The following WNT7B variants were observed in gnomAD, a reference collection of about 807,000 sequenced individuals.
WNT7B encodes Wnt family member 7B.
WNT7B carries 19 observed loss-of-function variants against 38.2 expected under a neutral mutation model. The ratio of observed to expected loss-of-function variants is 0.50; its 90% CI spans 0.35 to 0.73. The LOEUF (loss-of-function observed/expected upper bound fraction) is 0.73, where lower values mean the gene tolerates loss of function less well. WNT7B is among the 30% of genes least tolerant of loss of function. The pLI, the probability that WNT7B is intolerant of heterozygous loss-of-function variation, is 0.01. For synonymous variants in WNT7B, 243 were observed against 209.3 expected (o/e 1.16, Z -1.39); for missense variants, 423 against 507.9 (o/e 0.83, Z 1.61).
rs886794132 is a variant in WNT7B at position 45,957,982 on chromosome 22, G to A, written c.72-7836C>T. Among the ~76,000 whole-genome samples the A allele has an allele frequency of 3.9e-5, 6 of 152,342 alleles. No individual in the cohort carries two copies. In the South Asian group the frequency reaches 6.2e-4, roughly 16 times the overall value. ...CCCTGAATGCGGGCAACAGCCCACC[G>A]CAGCAGCTCCCACGCAGCGAGAAGG... On this transcript the variant is annotated intron_variant, in intron 1 of 3. Transcript: ENST00000339464.
chr22:45,953,089 G>C (rs80013542), intron 1 of WNT7B, among the ~76,000 whole-genome samples: 11,166 of 151,400 alleles, frequency 0.074, 1,008 homozygotes, highest in African/African-American at 0.22. Context: ...CTGGTTTTGC[G>C]GGTGTAGAGC....
intron 1 of WNT7B, among the ~76,000 whole-genome samples, chr22:45,960,901 T>C (rs952968017): frequency 2.0e-5 from 3 of 152,138 alleles, no homozygotes; most frequent in Non-Finnish European, 4.4e-5. Flanking sequence ...TCCTTGGGGC[T>C]GAGTATGGGG....
At chr22:45,939,607 A>G (rs962505122) in intron 2 of WNT7B, among the ~76,000 whole-genome samples, 5 of 150,054 alleles carry the variant, frequency 3.3e-5, no homozygotes, top group African/African-American at 1.2e-4. Context: ...CAGCCTGGGC[A>G]ACATGGCAAA....
intron 1 of WNT7B, among the ~76,000 whole-genome samples, chr22:45,955,827 G>T (rs1207259169): frequency 2.0e-5 from 3 of 152,180 alleles, no homozygotes; most frequent in Non-Finnish European, 4.4e-5. Flanking sequence ...TCATTCCCCA[G>T]GGACTGTGGA....
At chr22:45,948,620 CT>C (rs547884461) in intron 2 of WNT7B, among the ~76,000 whole-genome samples, 1 of 152,308 alleles carries the variant, frequency 6.6e-6, no homozygotes, top group South Asian at 2.1e-4. Flanking sequence ...TTGCCACAGC[CT>C]GGAGGGCAGG....
At chr22:45,945,385 C>A (rs1311377762) in intron 2 of WNT7B, among the ~76,000 whole-genome samples, 1 of 152,204 alleles carries the variant, frequency 6.6e-6, no homozygotes, top group Non-Finnish European at 1.5e-5. Flanking sequence ...GGCTGGTGAA[C>A]TTAATTTTGA....
At chr22:45,929,016 A>G (rs933810976) in intron 3 of WNT7B, among the ~76,000 whole-genome samples, 1 of 152,032 alleles carries the variant, frequency 6.6e-6, no homozygotes, top group Non-Finnish European at 1.5e-5. Context: ...TCTGCTGCTC[A>G]CTCTGAGCCT....
At chr22:45,925,542 C>CAG in intron 3 of WNT7B, 1 of 985,284 alleles carries the variant, frequency 1.0e-6, no homozygotes, top group Non-Finnish European at 1.2e-6. Context: ...GGGCGACCCC[C>CAG]AGAGAGTATA....
At position 45,927,543 on chromosome 22, in the gene WNT7B, G is replaced by C. The variant is rs778883887; in HGVS notation, c.570+3555C>G. The stretch of plus-strand genomic sequence containing the variant: ...CAGATGTGGTCAAGGAAACAACGGA[G>C]AGGAGGTCACCCTGGGTTGTCCAAG... On this transcript the variant is annotated intron_variant, in intron 3 of 3. Coordinates refer to ENST00000339464, the MANE Select transcript of WNT7B (RefSeq NM_058238.3). The C allele has an allele frequency of 2.3e-5, 34 of 1,480,746 alleles. No individual in the cohort carries two copies. In the South Asian group the frequency reaches 4.0e-4, roughly 17 times the overall value. The allele number at this position is 1,480,746 out of a possible 1,614,324, so 91.7% of individuals were successfully genotyped here. A position where few individuals can be genotyped will look rare whatever the true frequency, so the allele number is the denominator to read the frequency against.
chr22:45,950,517 T>C (rs1931906834), intron 1 of WNT7B, among the ~76,000 whole-genome samples: 1 of 152,218 alleles, frequency 6.6e-6, no homozygotes, highest in African/African-American at 2.4e-5. Context: ...CTCGGGACTG[T>C]CTGCGCTGTC....
intron 1 of WNT7B, among the ~76,000 whole-genome samples, chr22:45,961,579 C>T (rs1932197537): frequency 6.8e-6 from 1 of 146,532 alleles, no homozygotes; most frequent in Non-Finnish European, 1.5e-5. Context: ...TGGGTGGGGG[C>T]CGGGGCAGTG....
chr22:45,923,726 C>T (rs1569108310), intron 3 of WNT7B, among the ~76,000 whole-genome samples: 3 of 152,270 alleles, frequency 2.0e-5, no homozygotes, highest in East Asian at 3.9e-4. Context: ...GGGGTAGGCC[C>T]AGCAACAGTA....
chr22:45,972,061 G>T, intron 1 of WNT7B: 2 of 505,150 alleles, frequency 4.0e-6, no homozygotes, highest in East Asian at 3.7e-5. Context: ...CCGCCCAGGG[G>T]CCTCGCTGCC....
rs1932528449 is a variant in WNT7B, at chr22:45,975,358, C to A, written c.71+1326G>T. Among the ~76,000 whole-genome samples the A allele has an allele frequency of 2.0e-5, 3 of 152,124 alleles. No individual in the cohort carries two copies. Among genetic ancestry groups the A allele is most frequent in the Non-Finnish European group, 4.4e-5 (3 of 68,012 alleles). Reference sequence around the variant, plus strand: ...CGCCCAGCAGGCTCAATGCCCCGCACCCCTCACCTCCATAAACAAACACCC... The same window carrying A: ...CGCCCAGCAGGCTCAATGCCCCGCAACCCTCACCTCCATAAACAAACACCC... On this transcript the variant is annotated intron_variant, in intron 1 of 3. Coordinates refer to ENST00000339464, the MANE Select transcript of WNT7B (RefSeq NM_058238.3). This position sits in a 1 kb window ranked among gnomAD's most constrained non-coding sequence, Gnocchi z 6.6.
intron 2 of WNT7B, among the ~76,000 whole-genome samples, chr22:45,939,423 G>A (rs1931588484): frequency 6.6e-6 from 1 of 152,210 alleles, no homozygotes; most frequent in Non-Finnish European, 1.5e-5. Context: ...AAGAAAATGT[G>A]TTCTATCCAT....
At chr22:45,957,709 A>AAAAAAAAAAG (rs1932104506) in intron 1 of WNT7B, among the ~76,000 whole-genome samples, 1 of 150,846 alleles carries the variant, frequency 6.6e-6, no homozygotes. Flanking sequence ...AAAAAAAAAA[A>AAAAAAAAAAG]AAACAGAAAA....
intron 3 of WNT7B, among the ~76,000 whole-genome samples, chr22:45,928,025 TCTC>T (rs1931147736): frequency 6.6e-6 from 1 of 151,974 alleles, no homozygotes; most frequent in Non-Finnish European, 1.5e-5. Flanking sequence ...AGCCAGGAAG[TCTC>T]CTCCCCTGCT....
In WNT7B at chr22:45,949,774, C is replaced by T. The variant is rs141966040; in HGVS notation, c.298+146G>A. ...GTGCTGCCTAGGGCCAGGCCAGGCA[C>T]GCAGAAGGGCTCACAGGAAGGCAAA... On this transcript the variant is annotated intron_variant, in intron 2 of 3. Transcript: ENST00000339464. The T allele has an allele frequency of 1.5e-3, 1,141 of 766,434 alleles. 1 individual carries two copies. Among genetic ancestry groups the T allele is most frequent in the Middle Eastern group, 2.3e-3 (6 of 2,646 alleles). The allele number at this position is 766,434 out of a possible 1,614,324, so 47.5% of individuals were successfully genotyped here.
In WNT7B at chr22:45,966,272, G is replaced by C. The variant is rs1292569186; in HGVS notation, c.71+10412C>G. ...CTGGAGGACTTCCCAATTGGAAGGG[G>C]CTTTGCCATCTGTCTCACCACGTGG... On this transcript the variant is annotated intron_variant, in intron 1 of 3. Transcript: ENST00000339464. The surrounding 1 kb of genome is among the most constrained non-coding windows in gnomAD (Gnocchi z 4.2). Among the ~76,000 whole-genome samples, 2 of 152,232 alleles carry C rather than the reference G, an allele frequency of 1.3e-5. No individual in the cohort carries two copies. The highest frequency in any genetic ancestry group is 2.4e-5 in the African/African-American group (1 of 41,462).
Sources: allele counts gnomAD v4.1 joint callset (sites outside exome capture counted in the v4.1 genomes callset), GRCh38; gene constraint gnomAD v4.1.1; non-coding constraint Gnocchi (gnomAD v3.1); transcripts MANE v1.5; gene names NCBI Gene and HGNC (gene_info 2026-07-23, HGNC 2026-07-21).